The following CREBL2 variants were observed in gnomAD, a reference collection of about 807,000 sequenced individuals.
The protein encoded by CREBL2 is cAMP-responsive element-binding protein-like 2.
In CREBL2, 4 loss-of-function variants were observed where a neutral mutation model predicts 19.5. The ratio of observed to expected loss-of-function variants is 0.20; its 90% confidence interval spans 0.10 to 0.47. The LOEUF (loss-of-function observed/expected upper bound fraction) is 0.47. Among genes scored for constraint, CREBL2 ranks in the 20% least tolerant of loss-of-function variants. The pLI, the probability that CREBL2 is intolerant of heterozygous loss-of-function variation, is 0.98. For missense variants in CREBL2, 85 were observed against 145.1 expected (o/e 0.59, Z 2.13); for synonymous variants, 42 against 46.6 (o/e 0.90, Z 0.40).
At chr12:12,625,810 T>C (rs556042830) in intron 1 of CREBL2, among the ~76,000 whole-genome samples, 1 of 152,390 alleles carries the variant, frequency 6.6e-6, no homozygotes, top group African/African-American at 2.4e-5. Context: ...TCATATCTGC[T>C]TCTTTTCACT....
rs1230426433 is a variant in CREBL2 at position 12,641,247 on chromosome 12, A to T, written c.359-747A>T. ...AACCTTTATTATTATTATTATTATT[A>T]TTATTATTTTTTTTTATTTTTTTTT... On this transcript the variant is annotated intron_variant, in intron 3 of 3. Transcript: ENST00000228865. Among the ~76,000 whole-genome samples, 171 of 22,034 alleles carry T rather than the reference A, an allele frequency of 7.8e-3. 1 individual carries two copies. Among genetic ancestry groups the T allele is most frequent in the African/African-American group, 0.014 (145 of 10,080 alleles). The allele number at this position is 22,034 out of a possible 152,430, so 14.5% of individuals were successfully genotyped here.
At chr12:12,633,433 C>T (rs547062939) in intron 1 of CREBL2, among the ~76,000 whole-genome samples, 1 of 152,132 alleles carries the variant, frequency 6.6e-6, no homozygotes, top group African/African-American at 2.4e-5. Context: ...AAGACTCCAT[C>T]TCAAAACAAA....
At chr12:12,614,584 CAG>C in intron 1 of CREBL2, 1 of 227,404 alleles carries the variant, frequency 4.4e-6, no homozygotes, top group East Asian at 1.4e-4. Flanking sequence ...TCCTCCACCT[CAG>C]CCTCCCAAGT....
At chr12:12,619,610 C>CAAAGGAA (rs1945344972) in intron 1 of CREBL2, among the ~76,000 whole-genome samples, 1 of 151,656 alleles carries the variant, frequency 6.6e-6, no homozygotes, top group Non-Finnish European at 1.5e-5. Flanking sequence ...GACTCTGTCT[C>CAAAGGAA]AAAGGAAAAA....
chr12:12,618,114 A>T (rs1051269359), intron 1 of CREBL2, among the ~76,000 whole-genome samples: 2 of 152,176 alleles, frequency 1.3e-5, no homozygotes, highest in African/African-American at 4.8e-5. Flanking sequence ...TTTTCCCCAC[A>T]TTTCCCCCTT....
intron 3 of CREBL2, among the ~76,000 whole-genome samples, chr12:12,638,871 A>G (rs1348981303): frequency 6.6e-6 from 1 of 152,204 alleles, no homozygotes; most frequent in Non-Finnish European, 1.5e-5. Flanking sequence ...GCCATTTAGT[A>G]CATTCACAAT....
intron 1 of CREBL2, among the ~76,000 whole-genome samples, chr12:12,621,918 A>G (rs747079464): frequency 1.3e-5 from 2 of 152,338 alleles, no homozygotes; most frequent in Admixed American, 1.3e-4. Flanking sequence ...CAATGGCTAT[A>G]TGGAGAACAG....
chr12:12,612,002 T>G lies in CREBL2; in HGVS notation c.-171T>G. 5 of 769,882 alleles carry G rather than the reference T, an allele frequency of 6.5e-6. No homozygotes were observed. The East Asian group carries it at 1.3e-4, about 21-fold the overall frequency. 47.7% of individuals were successfully genotyped at this position (769,882 alleles called of 1,614,324 possible). ...AGGGTCCGCTCTGCCATTCCTGAAC[T>G]GGTCCCTCGTCCCCGTGACTCTGGC... On this transcript the variant is annotated 5_prime_UTR_variant, in exon 1 of 4. Transcript: ENST00000228865.
intron 1 of CREBL2, among the ~76,000 whole-genome samples, chr12:12,633,231 C>G (rs1415830712): frequency 6.6e-6 from 1 of 152,092 alleles, no homozygotes; most frequent in African/African-American, 2.4e-5. Flanking sequence ...GCCACCACAC[C>G]CAGCTAGATG....
chr12:12,620,318 C>T lies in CREBL2; in HGVS notation c.15+8131C>T, dbSNP rs547000624. Among the ~76,000 whole-genome samples, 12 of 152,132 alleles carry T rather than the reference C, an allele frequency of 7.9e-5. No homozygotes were observed. In the South Asian group the frequency reaches 2.5e-3, roughly 32 times the overall value. ...GTGCAATCATGGTTCACTGCAGCCT[C>T]CACCTCCCTGGCTCAAGCGATCCTC... On this transcript the variant is annotated intron_variant, in intron 1 of 3. Coordinates refer to ENST00000228865, the MANE Select transcript of CREBL2 (RefSeq NM_001310.4).
chr12:12,612,095 C>CG lies in CREBL2; in HGVS notation c.-73dup. 2 of 1,561,480 alleles carry CG rather than the reference C, an allele frequency of 1.3e-6. No homozygotes were observed. The highest frequency in any genetic ancestry group is 1.1e-5 in the South Asian group (1 of 90,034). The stretch of plus-strand genomic sequence containing the variant: ...AACCATATCCCCTTCTTCCTCGGGG[C>CG]GGGGGCCGGGCCAGGCCGGCTGAGC... On this transcript the variant is annotated 5_prime_UTR_variant, in exon 1 of 4. Transcript: ENST00000228865.
At position 12,644,189 on chromosome 12, in the gene CREBL2, C is replaced by G. The variant is rs1945547066; in HGVS notation, c.*2191C>G. ...AAATTACAATTTATTTGAGGTTATTCCTAAACCTATTTATTTGGTGTTTTG... is the reference window on the plus strand; with the variant it reads ...AAATTACAATTTATTTGAGGTTATTGCTAAACCTATTTATTTGGTGTTTTG... On this transcript the variant is annotated 3_prime_UTR_variant, in exon 4 of 4. Transcript: ENST00000228865. The G allele has an allele frequency of 6.6e-6, 1 of 152,228 alleles. No individual in the cohort carries two copies. Among genetic ancestry groups the G allele is most frequent in the African/African-American group, 2.4e-5 (1 of 41,418 alleles). 9.4% of individuals were successfully genotyped at this position (152,228 alleles called of 1,614,324 possible).
At chr12:12,618,791 G>C (rs1649713230) in intron 1 of CREBL2, among the ~76,000 whole-genome samples, 1 of 152,242 alleles carries the variant, frequency 6.6e-6, no homozygotes. Context: ...CACCTCGGGA[G>C]GCCCAGGCGG....
At chr12:12,614,824 C>A (rs4763855) in intron 1 of CREBL2, 145,474 of 337,898 alleles carry the variant, frequency 0.43, 34,639 homozygotes, top group Non-Finnish European at 0.51. Flanking sequence ...TAGACTCTTC[C>A]AGTTTTGCCA....
intron 3 of CREBL2, among the ~76,000 whole-genome samples, chr12:12,638,107 G>A (rs920096280): frequency 2.6e-5 from 4 of 152,132 alleles, no homozygotes; most frequent in African/African-American, 7.2e-5. Flanking sequence ...TAAATAAAAT[G>A]TTGATGCCAT....
intron 1 of CREBL2, among the ~76,000 whole-genome samples, chr12:12,618,996 C>T (rs900310075): frequency 1.3e-5 from 2 of 152,018 alleles, no homozygotes; most frequent in Admixed American, 6.5e-5. Flanking sequence ...GCAGTACAGT[C>T]CAGCCTCAGC....
chr12:12,626,214 T>C (rs1945400483), intron 1 of CREBL2, among the ~76,000 whole-genome samples: 1 of 152,160 alleles, frequency 6.6e-6, no homozygotes, highest in Non-Finnish European at 1.5e-5. Flanking sequence ...CTAAAGAGCA[T>C]GCAACTATAA....
At chr12:12,615,175 C>T (rs1945300676) in intron 1 of CREBL2, among the ~76,000 whole-genome samples, 3 of 152,092 alleles carry the variant, frequency 2.0e-5, no homozygotes, top group East Asian at 2.0e-4. Flanking sequence ...CCACCACAAC[C>T]GATTAATTTT....
At chr12:12,615,582 C>CT (rs1945305109) in intron 1 of CREBL2, 1 of 152,014 alleles carries the variant, frequency 6.6e-6, no homozygotes, top group Non-Finnish European at 1.5e-5. Flanking sequence ...ACTGCAACCT[C>CT]TGACTCCCTG....
Sources: allele counts gnomAD v4.1 joint callset (sites outside exome capture counted in the v4.1 genomes callset), GRCh38; gene constraint gnomAD v4.1.1; transcripts MANE v1.5; gene names NCBI Gene and HGNC (gene_info 2026-07-23, HGNC 2026-07-21).